The following DTNB variants were observed in gnomAD, a reference collection of about 807,000 sequenced individuals.
DTNB encodes dystrobrevin beta.
Under a neutral mutation model 90.7 loss-of-function variants are expected in DTNB, and 63 were observed. The ratio of observed to expected loss-of-function variants is 0.69; its 90% confidence interval spans 0.57 to 0.86. DTNB has a LOEUF of 0.86. DTNB is among the 40% of genes least tolerant of loss of function. DTNB has a pLI of 0.00. For synonymous variants in DTNB, 277 were observed against 286.7 expected, an observed-to-expected ratio of 0.97 and a Z score of 0.34; for missense variants, 744 against 807.1, an observed-to-expected ratio of 0.92 and a Z score of 0.95.
chr2:25,596,077 T>C lies in DTNB; in HGVS notation c.603+9A>G, dbSNP rs1340502499. ...CTTCTAGCCCTAGATTCTATAAAAC[T>C]GTCCTTACCTGCTGTGGAAAACAGG... On this transcript the variant is annotated intron_variant, in intron 6 of 20. Coordinates refer to ENST00000406818, the MANE Select transcript of DTNB (RefSeq NM_021907.5). 7 of 1,590,206 alleles carry C rather than the reference T, an allele frequency of 4.4e-6. No homozygotes were observed. The Admixed American group carries it at 9.2e-5, about 21-fold the overall frequency.
At chr2:25,483,343 G>C (rs918753060) in intron 9 of DTNB, among the ~76,000 whole-genome samples, 2 of 152,188 alleles carry the variant, frequency 1.3e-5, no homozygotes, top group African/African-American at 2.4e-5. Context: ...ACATCGAGGT[G>C]CATGCTGTTC....
intron 8 of DTNB, among the ~76,000 whole-genome samples, chr2:25,548,770 G>T (rs1481408916): frequency 6.6e-6 from 1 of 152,146 alleles, no homozygotes; most frequent in Non-Finnish European, 1.5e-5. Context: ...AGCAGATAAG[G>T]ATCTGATGCT....
intron 15 of DTNB, among the ~76,000 whole-genome samples, chr2:25,425,986 G>A (rs569192959): frequency 1.3e-5 from 2 of 152,248 alleles, no homozygotes; most frequent in East Asian, 3.9e-4. Flanking sequence ...AGGATCCCTT[G>A]GACCCAGCTC....
intron 10 of DTNB, among the ~76,000 whole-genome samples, chr2:25,462,913 CGG>C (rs2061228726): frequency 6.6e-6 from 1 of 152,154 alleles, no homozygotes; most frequent in Non-Finnish European, 1.5e-5. Flanking sequence ...CCATTTTAGC[CGG>C]GATGGTCTCG....
rs759572618 is a variant in DTNB, at chr2:25,558,555, TA to T, written c.876+18282del. 3 of 263,774 alleles carry T rather than the reference TA, an allele frequency of 1.1e-5. No homozygotes were observed. In the Admixed American group the frequency reaches 1.9e-4, roughly 17 times the overall value. The allele number at this position is 263,774 out of a possible 1,614,324, so 16.3% of individuals were successfully genotyped here. A position where few individuals can be genotyped will look rare whatever the true frequency, so the allele number is the denominator to read the frequency against. On this transcript the variant is annotated intron_variant, in intron 8 of 20. Coordinates refer to ENST00000406818, the MANE Select transcript of DTNB (RefSeq NM_021907.5). ...TGGAAAAACCTCCTTGTCATCGCTC[TA>T]AGAATAATCAGGCTACAGTTGAAAA...
intron 3 of DTNB, among the ~76,000 whole-genome samples, chr2:25,637,363 C>T (rs984803958): frequency 6.6e-6 from 1 of 152,162 alleles, no homozygotes; most frequent in African/African-American, 2.4e-5. Context: ...CAAATGGGAT[C>T]TAATTAAACT....
intron 8 of DTNB, among the ~76,000 whole-genome samples, chr2:25,559,975 T>C (rs536187545): frequency 6.6e-6 from 1 of 152,224 alleles, no homozygotes; most frequent in South Asian, 2.1e-4. Flanking sequence ...CCGGGCGTGG[T>C]GGGTGGCTCA....
intron 8 of DTNB, among the ~76,000 whole-genome samples, chr2:25,568,068 G>C (rs10469883): frequency 6.6e-6 from 1 of 151,846 alleles, no homozygotes; most frequent in South Asian, 2.1e-4. Context: ...TGAAGCAGGA[G>C]AATCGCTTGA....
chr2:25,525,225 A>G (rs1432508486), intron 9 of DTNB, among the ~76,000 whole-genome samples: 1 of 152,258 alleles, frequency 6.6e-6, no homozygotes, highest in East Asian at 1.9e-4. Flanking sequence ...GTAGTTTAAA[A>G]AGTATAAAAT....
At chr2:25,468,538 A>G (rs1481028381) in intron 10 of DTNB, among the ~76,000 whole-genome samples, 2 of 152,218 alleles carry the variant, frequency 1.3e-5, no homozygotes, top group African/African-American at 4.8e-5. Context: ...AAAGAGAACC[A>G]CAGCAAGAAA....
intron 1 of DTNB, among the ~76,000 whole-genome samples, chr2:25,663,429 T>G (rs909928235): frequency 6.6e-6 from 1 of 152,216 alleles, no homozygotes; most frequent in African/African-American, 2.4e-5. Context: ...ATATACCCAG[T>G]AATGGGATTG....
chr2:25,454,204 A>G (rs904675510), intron 11 of DTNB, among the ~76,000 whole-genome samples: 2 of 152,126 alleles, frequency 1.3e-5, no homozygotes, highest in Non-Finnish European at 2.9e-5. Context: ...AGAGATACAT[A>G]AATACCCCAG....
intron 10 of DTNB, among the ~76,000 whole-genome samples, chr2:25,470,349 G>A (rs1189350457): frequency 6.6e-5 from 10 of 151,388 alleles, no homozygotes; most frequent in Admixed American, 6.6e-4. Context: ...GCACATTTCA[G>A]AGTAGATTCT....
intron 19 of DTNB, among the ~76,000 whole-genome samples, chr2:25,382,781 G>A (rs1464650198): frequency 3.3e-5 from 5 of 151,820 alleles, no homozygotes; most frequent in East Asian, 3.9e-4. Context: ...CGCCCGCCTC[G>A]GCCTTCCAAA....
At chr2:25,615,935 T>G (rs2070318279) in intron 4 of DTNB, among the ~76,000 whole-genome samples, 1 of 152,198 alleles carries the variant, frequency 6.6e-6, no homozygotes, top group African/African-American at 2.4e-5. Context: ...TGTGCTATTT[T>G]CATATGCATC....
intron 7 of DTNB, among the ~76,000 whole-genome samples, chr2:25,579,972 CTTTCT>C (rs1412390471): frequency 3.0e-5 from 4 of 134,348 alleles, no homozygotes; most frequent in African/African-American, 1.1e-4. Context: ...CTATAGTATC[CTTTCT>C]TTTTTTTTTT....
At chr2:25,600,618 A>G (rs1466347329) in intron 5 of DTNB, among the ~76,000 whole-genome samples, 2 of 152,212 alleles carry the variant, frequency 1.3e-5, no homozygotes, top group African/African-American at 4.8e-5. Context: ...TAATTAACTA[A>G]TGAGTAATTA....
intron 16 of DTNB, among the ~76,000 whole-genome samples, chr2:25,389,285 G>A (rs1394456632): frequency 2.0e-5 from 3 of 152,244 alleles, no homozygotes; most frequent in African/African-American, 7.2e-5. Flanking sequence ...TCTGCAGGTT[G>A]TGACCCCACT....
intron 12 of DTNB, among the ~76,000 whole-genome samples, chr2:25,436,740 T>G (rs1446120447): frequency 6.6e-6 from 1 of 152,130 alleles, no homozygotes; most frequent in Non-Finnish European, 1.5e-5. Flanking sequence ...AGAGCCTGAG[T>G]TGAGTCTCAG....
Sources: gnomAD v4.1 joint callset for allele counts (sites outside exome capture counted in the v4.1 genomes callset) on GRCh38, gnomAD v4.1.1 for gene constraint, MANE v1.5 for transcripts, NCBI Gene and HGNC (gene_info 2026-07-23, HGNC 2026-07-21) for gene names.